AFF3: variants seen among roughly 807,000 people sequenced by gnomAD.
AFF3 encodes the protein ALF transcription elongation factor 3.
In AFF3, 32 loss-of-function variants were observed where a neutral mutation model predicts 129.7. The ratio of observed to expected loss-of-function variants is 0.25; its 90% CI spans 0.19 to 0.33. The LOEUF (loss-of-function observed/expected upper bound fraction) is 0.33, where lower values mean the gene tolerates loss of function less well. Among genes scored for constraint, AFF3 ranks in the 10% least tolerant of loss-of-function variants. The pLI is 1.00. For synonymous variants in AFF3, 644 were observed against 635.4 expected (o/e 1.01, Z -0.20); for missense variants, 1,373 against 1,592.0 (o/e 0.86, Z 2.34).
In AFF3 at chr2:99,805,340, A is replaced by G. The variant is rs142957295; in HGVS notation, c.921+32137T>C. On this transcript the variant is annotated intron_variant, in intron 8 of 24. Transcript: ENST00000672756. ...AACTTAAAGAAGAAACATTTTTGAA[A>G]AGTGAGAAGTGTGTTACATTGGTGG... 2.8e-4 allele frequency among the ~76,000 whole-genome samples: 43 copies of G among 152,316 alleles called. 1 individual carries two copies. The highest frequency in any genetic ancestry group is 1.7e-3 in the South Asian group (8 of 4,830).
intron 14 of AFF3, among the ~76,000 whole-genome samples, chr2:99,596,178 G>A (rs1027724860): frequency 2.6e-5 from 4 of 152,204 alleles, no homozygotes; most frequent in Non-Finnish European, 4.4e-5. Flanking sequence ...AAGACAGATG[G>A]TTTTTGTACC....
chr2:99,911,711 G>A (rs745904916), intron 7 of AFF3, among the ~76,000 whole-genome samples: 2 of 152,134 alleles, frequency 1.3e-5, no homozygotes, highest in African/African-American at 2.4e-5. Context: ...AGTGGTAAAC[G>A]AATGGCAGCC....
intron 7 of AFF3, among the ~76,000 whole-genome samples, chr2:99,976,407 C>G (rs1678892290): frequency 6.6e-6 from 1 of 152,158 alleles, no homozygotes; most frequent in Non-Finnish European, 1.5e-5. Flanking sequence ...GGCATCGTTC[C>G]CGCAGATATA....
chr2:99,673,424 G>GA (rs758594187), intron 11 of AFF3, among the ~76,000 whole-genome samples: 17 of 152,144 alleles, frequency 1.1e-4, no homozygotes, highest in Non-Finnish European at 2.4e-4. Flanking sequence ...GTGAAAAAAA[G>GA]AAACAGAACT....
chr2:99,668,720 C>A (rs1442655264), intron 12 of AFF3, among the ~76,000 whole-genome samples: 1 of 143,020 alleles, frequency 7.0e-6, no homozygotes, highest in Non-Finnish European at 1.5e-5. Context: ...ATGCACCACG[C>A]CTGGCTAATT....
chr2:99,603,982 T>A (rs947574436), intron 13 of AFF3, among the ~76,000 whole-genome samples: 4 of 152,114 alleles, frequency 2.6e-5, no homozygotes, highest in Admixed American at 6.6e-5. Context: ...ATAATAGGTG[T>A]TGGCGAGGTT....
At position 99,594,000 on chromosome 2, in the gene AFF3, A is replaced by T; in HGVS notation, c.1661T>A (p.Val554Glu). ...GVKQKSPPAAVAVAVSAAAPP... is the reference protein window; with the variant it reads ...GVKQKSPPAAEAVAVSAAAPP... ...GGCGGCTGCGCTCACCGCCACGGCC[A>T]CGGCCGCGGGCGGGGACTTCTGCTT... The change falls in exon 15 of 25, where the codon GTG becomes GAG. Residue 554 changes from valine (V) to glutamate (E), a missense_variant. Around this residue, in one of 9 missense-constraint regions of AFF3, gnomAD observed 413 missense variants for 424.4 expected, o/e 0.97. Transcript: ENST00000672756. 6.5e-7 allele frequency: 1 copy of T among 1,548,086 alleles called. No individual in the cohort carries two copies. The highest frequency in any genetic ancestry group is 8.7e-7 in the Non-Finnish European group (1 of 1,148,418).
chr2:99,653,224 C>T (rs1685436419), intron 12 of AFF3, among the ~76,000 whole-genome samples: 1 of 152,144 alleles, frequency 6.6e-6, no homozygotes, highest in Non-Finnish European at 1.5e-5. Context: ...TGAACTGCCC[C>T]AAAGAAAGGT....
At chr2:99,735,333 C>T (rs1258109634) in intron 10 of AFF3, among the ~76,000 whole-genome samples, 2 of 151,390 alleles carry the variant, frequency 1.3e-5, no homozygotes, top group African/African-American at 4.9e-5. Flanking sequence ...AAACTTTTGG[C>T]TCCATTGACA....
At chr2:100,067,336 T>G (rs1006704574) in intron 4 of AFF3, among the ~76,000 whole-genome samples, 8 of 152,180 alleles carry the variant, frequency 5.3e-5, no homozygotes, top group African/African-American at 1.9e-4. Context: ...AAAGTGCCTC[T>G]TATCTGTTTC....
At chr2:99,771,254 G>T (rs1401716169) in intron 8 of AFF3, among the ~76,000 whole-genome samples, 1 of 152,052 alleles carries the variant, frequency 6.6e-6, no homozygotes, top group East Asian at 1.9e-4. Flanking sequence ...ACATACTGAG[G>T]CCTGCCATGG....
intron 2 of AFF3, among the ~76,000 whole-genome samples, chr2:100,126,634 C>T (rs990396019): frequency 1.3e-5 from 2 of 152,168 alleles, no homozygotes; most frequent in Admixed American, 6.5e-5. Context: ...GAATCTGGCT[C>T]ACTAATCTTT....
rs191344332 is a variant in AFF3 at position 100,081,701 on chromosome 2, T to C, written c.53+22701A>G. ...CACACTTTCTGACACACAGAATCAT[T>C]GGGGGAAAACTCTTCTGATTTATTG... On this transcript the variant is annotated intron_variant, in intron 4 of 24. Coordinates refer to ENST00000672756, the MANE Select transcript of AFF3 (RefSeq NM_001386135.1). Among the ~76,000 whole-genome samples, 11 of 152,288 alleles carry C rather than the reference T, an allele frequency of 7.2e-5. No individual in the cohort carries two copies. The East Asian group carries it at 2.1e-3, about 29-fold the overall frequency.
chr2:99,938,309 G>T (rs139827584), intron 7 of AFF3, among the ~76,000 whole-genome samples: 1 of 152,288 alleles, frequency 6.6e-6, no homozygotes, highest in Non-Finnish European at 1.5e-5. Flanking sequence ...TATTTGACCC[G>T]TCTGACTGCA....
chr2:99,934,699 C>T (rs1674364618), intron 7 of AFF3, among the ~76,000 whole-genome samples: 1 of 152,216 alleles, frequency 6.6e-6, no homozygotes, highest in Admixed American at 6.5e-5. Context: ...GGCACTTCCA[C>T]CCTTGCTCAG....
chr2:99,727,613 G>C (rs1253466631), intron 10 of AFF3, among the ~76,000 whole-genome samples: 1 of 148,622 alleles, frequency 6.7e-6, no homozygotes, highest in Non-Finnish European at 1.5e-5. Flanking sequence ...CCAGGCTGGA[G>C]TGCAGTGGCA....
chr2:99,661,447 G>C (rs1249574992), intron 12 of AFF3, among the ~76,000 whole-genome samples: 4 of 152,108 alleles, frequency 2.6e-5, no homozygotes, highest in Non-Finnish European at 5.9e-5. Context: ...TGTCTTAATT[G>C]TATGTTTGCC....
chr2:99,745,496 C>A (rs1230471434), intron 9 of AFF3, among the ~76,000 whole-genome samples: 3 of 152,128 alleles, frequency 2.0e-5, no homozygotes, highest in African/African-American at 7.2e-5. Flanking sequence ...AAGATTTAAA[C>A]CTATGTTTTC....
intron 8 of AFF3, among the ~76,000 whole-genome samples, chr2:99,816,269 A>G (rs1257545549): frequency 6.6e-6 from 1 of 152,250 alleles, no homozygotes; most frequent in East Asian, 1.9e-4. Context: ...CCTTCTCCAT[A>G]AGAGCCATTA....
Sources: gnomAD v4.1 joint callset for allele counts (sites outside exome capture counted in the v4.1 genomes callset) on GRCh38, gnomAD v4.1.1 for gene constraint, gnomAD v4.1.1 regional missense constraint, MANE v1.5 for transcripts, NCBI Gene and HGNC (gene_info 2026-07-23, HGNC 2026-07-21) for gene names.